ESD: variants seen among roughly 807,000 people sequenced by gnomAD.
ESD encodes esterase D, also known as S-formylglutathione hydrolase.
In ESD, 34 loss-of-function variants were observed where a neutral mutation model predicts 38.1. That is an observed-to-expected ratio of 0.89 (90% CI 0.68 to 1.19). The LOEUF (loss-of-function observed/expected upper bound fraction) is 1.19, where lower values mean the gene tolerates loss of function less well. Among genes scored for constraint, ESD ranks in the 50% most tolerant of loss-of-function variants. The pLI, the probability that ESD is intolerant of heterozygous loss-of-function variation, is 0.00. For synonymous variants in ESD, 97 were observed against 107.0 expected, an observed-to-expected ratio of 0.91 and a Z score of 0.58; for missense variants, 334 against 327.2, an observed-to-expected ratio of 1.02 and a Z score of -0.16.
intron 9 of ESD, 146 bp downstream of exon 9, chr13:46,777,310 G>A: frequency 2.0e-6 from 1 of 504,452 alleles, no homozygotes; most frequent in Non-Finnish European, 3.3e-6. Context: ...TTTATAGGCA[G>A]GTTTTCACTT....
At chr13:46,771,540 A>G (rs1324752183) in intron 9 of ESD, 44 bp from the exon 10 acceptor site, 1 of 1,217,752 alleles carries the variant, frequency 8.2e-7, no homozygotes, top group Middle Eastern at 2.0e-4. Flanking sequence ...ACCATTCAGG[A>G]ACATCAGTAT....
chr13:46,784,289 T>C lies in ESD; in HGVS notation c.219A>G (p.Glu73=), dbSNP rs1875114480. ...CTGGAGCAATGACAACAAGACCATG[T>C]TCTGAAGCAGACTGATGATAACCAG... is the stretch of plus-strand genomic sequence containing the variant. The part of the protein sequence containing the change: ...SKSGYHQSAS[E]HGLVVIAPDT... Residue 73 remains glutamate, a synonymous_variant, in exon 5 of 10, where the codon GAA becomes GAG. Coordinates refer to ENST00000378720, the MANE Select transcript of ESD (RefSeq NM_001984.2). 1.2e-6 allele frequency: 2 copies of C among 1,611,986 alleles called. No individual in the cohort carries two copies. Among genetic ancestry groups the C allele is most frequent in the African/African-American group, 2.7e-5 (2 of 74,908 alleles).
intron 1 of ESD, among the ~76,000 whole-genome samples, chr13:46,795,724 T>C (rs375384587): frequency 1.3e-5 from 2 of 151,970 alleles, no homozygotes; most frequent in East Asian, 3.9e-4. Flanking sequence ...AGTCACACTC[T>C]ACCTGTGTGC....
chr13:46,784,907 A>G (rs1196361754), intron 4 of ESD, among the ~76,000 whole-genome samples: 2 of 152,040 alleles, frequency 1.3e-5, no homozygotes, highest in East Asian at 1.9e-4. Context: ...CATAAGCCCA[A>G]TATTAAAACA....
intron 9 of ESD, among the ~76,000 whole-genome samples, chr13:46,772,809 C>T (rs181318696): frequency 7.2e-5 from 11 of 152,236 alleles, no homozygotes; most frequent in East Asian, 3.9e-4. Flanking sequence ...CTCAGCCTCC[C>T]GACTAGCTGG....
chr13:46,788,673 C>CAAA (rs10599927), intron 3 of ESD, among the ~76,000 whole-genome samples: 5 of 82,396 alleles, frequency 6.1e-5, no homozygotes, highest in Non-Finnish European at 1.2e-4. Flanking sequence ...TATGTAAAAG[C>CAAA]AAAAAAAAAA....
Position 46,771,362 on chromosome 13 carries a change from G to A in ESD, c.*54C>T. The stretch of plus-strand genomic sequence containing the variant: ...TTTTTTTTTTTTGCTCAGCAATACA[G>A]TTGCATTTTACAACTTTTATAATCC... On this transcript the variant is annotated 3_prime_UTR_variant, in exon 10 of 10. Coordinates refer to ENST00000378720, the MANE Select transcript of ESD (RefSeq NM_001984.2). The A allele has an allele frequency of 1.7e-6, 2 of 1,147,014 alleles. No individual in the cohort carries two copies. Among genetic ancestry groups the A allele is most frequent in the Admixed American group, 2.1e-5 (1 of 47,264 alleles). 71.1% of individuals were successfully genotyped at this position (1,147,014 alleles called of 1,614,324 possible).
intron 3 of ESD, among the ~76,000 whole-genome samples, chr13:46,788,673 CAAA>C (rs10599927): frequency 0.083 from 6,812 of 82,362 alleles, 482 homozygotes; most frequent in African/African-American, 0.21. Context: ...TATGTAAAAG[CAAA>C]AAAAAAAAAA....
At chr13:46,774,824 C>CT (rs1444222002) in intron 9 of ESD, among the ~76,000 whole-genome samples, 1 of 152,142 alleles carries the variant, frequency 6.6e-6, no homozygotes, top group African/African-American at 2.4e-5. Context: ...TATTGAGAGT[C>CT]TCTGTGCTAG....
chr13:46,782,826 T>A (rs1469904300), intron 5 of ESD, 35 bp from the exon 6 acceptor site: 1 of 1,608,258 alleles, frequency 6.2e-7, no homozygotes, highest in Admixed American at 1.7e-5. Flanking sequence ...TCATCTGCTC[T>A]GTAGTAATGG....
intron 2 of ESD, among the ~76,000 whole-genome samples, chr13:46,793,020 A>G (rs2138306136): frequency 6.6e-6 from 1 of 152,182 alleles, no homozygotes; most frequent in African/African-American, 2.4e-5. Context: ...TCAAGTTGTC[A>G]GTTTTCTCTG....
chr13:46,778,488 A>C (rs1426457570), intron 8 of ESD, among the ~76,000 whole-genome samples: 1 of 151,738 alleles, frequency 6.6e-6, no homozygotes, highest in Non-Finnish European at 1.5e-5. Flanking sequence ...TAATACCCTA[A>C]ATACAACATA....
chr13:46,796,592 G>GACACA lies in ESD; in HGVS notation c.-56+512_-56+513insTGTGT, dbSNP rs200593808. Among the ~76,000 whole-genome samples, 462 of 152,246 alleles carry GACACA rather than the reference G, an allele frequency of 3.0e-3. 3 individuals are homozygous for GACACA. The highest frequency in any genetic ancestry group is 0.01 in the African/African-American group (427 of 41,538). ...AGATTTTGTCAAACTCCAAAGACAC[G>GACACA]TGCTCCCCTCGGCACCATCAGGTGA... On this transcript the variant is annotated intron_variant, in intron 1 of 9. Coordinates refer to ENST00000378720, the MANE Select transcript of ESD (RefSeq NM_001984.2).
intron 1 of ESD, among the ~76,000 whole-genome samples, chr13:46,795,620 A>C (rs1875546058): frequency 6.6e-6 from 1 of 152,206 alleles, no homozygotes; most frequent in South Asian, 2.1e-4. Context: ...TAATTGTACA[A>C]TTTTCTTCAA....
intron 3 of ESD, among the ~76,000 whole-genome samples, chr13:46,788,811 G>GT (rs1459941372): frequency 1.3e-5 from 2 of 151,752 alleles, no homozygotes; most frequent in African/African-American, 2.4e-5. Context: ...CACTCTGCAT[G>GT]TATCACTAAT....
chr13:46,785,068 TA>T (rs1875143601), intron 4 of ESD, among the ~76,000 whole-genome samples: 1 of 152,062 alleles, frequency 6.6e-6, no homozygotes, highest in Non-Finnish European at 1.5e-5. Context: ...AAATTTAGCT[TA>T]ATCATCTTTG....
At chr13:46,787,966 T>C (rs1875253059) in intron 3 of ESD, among the ~76,000 whole-genome samples, 3 of 151,954 alleles carry the variant, frequency 2.0e-5, no homozygotes, top group African/African-American at 7.2e-5. Flanking sequence ...TTATTATCTA[T>C]TGGCTTCCCA....
At position 46,790,207 on chromosome 13, in the gene ESD, T is replaced by C. The variant is rs74080914; in HGVS notation, c.68+1139A>G. Among the ~76,000 whole-genome samples, 532 of 152,156 alleles carry C rather than the reference T, an allele frequency of 3.5e-3. 3 individuals are homozygous for C. Among genetic ancestry groups the C allele is most frequent in the African/African-American group, 0.012 (513 of 41,500 alleles). The stretch of plus-strand genomic sequence containing the variant: ...GAGGTCAATATCTTTTATACTTTGA[T>C]ATGAAGAGAAGTTCATATCAAATTA... On this transcript the variant is annotated intron_variant, in intron 3 of 9. Coordinates refer to ENST00000378720, the MANE Select transcript of ESD (RefSeq NM_001984.2).
chr13:46,787,618 C>T (rs573692627), intron 3 of ESD, among the ~76,000 whole-genome samples: 6 of 151,938 alleles, frequency 3.9e-5, no homozygotes, highest in Admixed American at 2.6e-4. Flanking sequence ...TTCCAGTAAA[C>T]AGTAATTCAT....
Sources: gnomAD v4.1 joint callset for allele counts (sites outside exome capture counted in the v4.1 genomes callset) on GRCh38, gnomAD v4.1.1 for gene constraint, MANE v1.5 for transcripts, NCBI Gene and HGNC (gene_info 2026-07-23, HGNC 2026-07-21) for gene names.